The following GPM6A variants were observed in gnomAD, a reference collection of about 807,000 sequenced individuals.
GPM6A encodes neuronal membrane glycoprotein M6-a.
Under a neutral mutation model 32.1 loss-of-function variants are expected in GPM6A, and 7 were observed. The observed-to-expected ratio is 0.22, with a 90% CI of 0.12 to 0.41. GPM6A has a LOEUF of 0.41. Among genes scored for constraint, GPM6A ranks in the 10% least tolerant of loss-of-function variants. The pLI is 1.00. For missense variants in GPM6A, 235 were observed against 347.2 expected (o/e 0.68, Z 2.57); for synonymous variants, 130 against 123.4 (o/e 1.05, Z -0.35).
At chr4:175,811,911 T>C in intron 1 of GPM6A, 1 of 272,796 alleles carries the variant, frequency 3.7e-6, no homozygotes, top group Non-Finnish European at 6.8e-6. Context: ...AAATGAAGGT[T>C]AACAAAGACT....
In GPM6A at chr4:175,701,676, G is replaced by A; in HGVS notation, c.129C>T (p.Phe43=). 6.2e-7 allele frequency: 1 copy of A among 1,613,970 alleles called. No individual in the cohort carries two copies. Among genetic ancestry groups the A allele is most frequent in the African/African-American group, 1.3e-5 (1 of 75,030 alleles). The change falls in exon 2 of 7, where the codon TTC becomes TTT. Residue 43 remains phenylalanine, a synonymous_variant. Coordinates refer to ENST00000393658, the MANE Select transcript of GPM6A (RefSeq NM_201591.3). ...TILLYAGVAL[F]CGCGHEALSG... The stretch of plus-strand genomic sequence containing the variant: ...AAAGCGCTTCATGACCGCAGCCACA[G>A]AACAGGGCAACACCCGCATAGAGCA...
At chr4:175,701,500 A>T (rs1744877796) in intron 2 of GPM6A, 75 bp downstream of exon 2, 1 of 995,794 alleles carries the variant, frequency 1.0e-6, no homozygotes, top group African/African-American at 1.6e-5. Context: ...ATCTAACTGT[A>T]GGCCCCTAAT....
At chr4:175,652,377 A>C (rs1301923342) in intron 3 of GPM6A, among the ~76,000 whole-genome samples, 1 of 152,120 alleles carries the variant, frequency 6.6e-6, no homozygotes, top group Admixed American at 6.6e-5. Flanking sequence ...CTGTCAATAA[A>C]TTTCCATAGG....
chr4:175,934,414 GA>G (rs1249099957), intron 1 of GPM6A, among the ~76,000 whole-genome samples: 2 of 152,072 alleles, frequency 1.3e-5, no homozygotes. Context: ...GGTTAAAAAC[GA>G]AATCATTTAC....
intron 1 of GPM6A, among the ~76,000 whole-genome samples, chr4:175,870,338 G>C (rs186428867): frequency 9.9e-5 from 15 of 152,058 alleles, no homozygotes; most frequent in African/African-American, 3.6e-4. Flanking sequence ...CCCTGTGTAA[G>C]TAAGCTATCC....
chr4:175,885,733 T>C (rs181686460), intron 1 of GPM6A, among the ~76,000 whole-genome samples: 2 of 152,230 alleles, frequency 1.3e-5, no homozygotes, highest in Admixed American at 6.5e-5. Context: ...ACCATGTTCA[T>C]TGTAGCAGTT....
chr4:175,850,102 A>G (rs1183693880), intron 1 of GPM6A, among the ~76,000 whole-genome samples: 1 of 152,214 alleles, frequency 6.6e-6, no homozygotes, highest in Non-Finnish European at 1.5e-5. Context: ...AGATGTGAAG[A>G]GACATGGAAG....
At chr4:175,930,049 T>A (rs1579636908) in intron 1 of GPM6A, among the ~76,000 whole-genome samples, 1 of 152,148 alleles carries the variant, frequency 6.6e-6, no homozygotes, top group African/African-American at 2.4e-5. Context: ...TAATCTTAAC[T>A]TTCTTTTCTC....
At chr4:175,947,137 T>C (rs898530812) in intron 1 of GPM6A, among the ~76,000 whole-genome samples, 3 of 152,084 alleles carry the variant, frequency 2.0e-5, no homozygotes, top group African/African-American at 7.2e-5. Flanking sequence ...TTTCTAATTT[T>C]CAGAAACTGA....
chr4:175,881,961 C>T (rs1737293167), intron 1 of GPM6A, among the ~76,000 whole-genome samples: 1 of 151,642 alleles, frequency 6.6e-6, no homozygotes, highest in South Asian at 2.1e-4. Flanking sequence ...GCAGGTTGTG[C>T]ACATGTACCC....
chr4:175,671,065 T>C (rs1220117594), intron 3 of GPM6A, among the ~76,000 whole-genome samples: 1 of 151,996 alleles, frequency 6.6e-6, no homozygotes, highest in African/African-American at 2.4e-5. Context: ...GGTTTCACTA[T>C]GTTGACCATG....
chr4:175,882,450 A>T (rs1319325441), intron 1 of GPM6A, among the ~76,000 whole-genome samples: 1 of 151,998 alleles, frequency 6.6e-6, no homozygotes, highest in East Asian at 1.9e-4. Context: ...AAAAATGGAA[A>T]TCATCTTTTT....
At chr4:175,637,312 AATATAAAAT>A (rs1740753402) in intron 6 of GPM6A, among the ~76,000 whole-genome samples, 1 of 22,568 alleles carries the variant, frequency 4.4e-5, no homozygotes, top group East Asian at 2.9e-3. Flanking sequence ...TATTATATAT[AATATAAAAT>A]ATATATTATA....
intron 1 of GPM6A, among the ~76,000 whole-genome samples, chr4:175,761,139 T>G (rs1237704371): frequency 6.6e-6 from 1 of 152,170 alleles, no homozygotes; most frequent in East Asian, 1.9e-4. Flanking sequence ...GAGTACTTGC[T>G]TTAGCGCAAA....
chr4:175,785,270 C>T (rs886732300), intron 1 of GPM6A, among the ~76,000 whole-genome samples: 18 of 152,174 alleles, frequency 1.2e-4, no homozygotes, highest in African/African-American at 3.9e-4. Flanking sequence ...AGCTCACAGC[C>T]ATCACCCAGC....
chr4:175,974,460 A>G (rs981521032), intron 1 of GPM6A, among the ~76,000 whole-genome samples: 1 of 152,224 alleles, frequency 6.6e-6, no homozygotes, highest in East Asian at 1.9e-4. Context: ...GGTTCAAGCG[A>G]TTCTCCAGCC....
chr4:175,775,905 G>A (rs765473897), intron 1 of GPM6A, among the ~76,000 whole-genome samples: 7 of 152,016 alleles, frequency 4.6e-5, no homozygotes, highest in Non-Finnish European at 8.8e-5. Flanking sequence ...AGCACAAAAG[G>A]GGAGGTTATA....
At chr4:175,703,310 T>C (rs2111069607) in intron 1 of GPM6A, among the ~76,000 whole-genome samples, 1 of 152,248 alleles carries the variant, frequency 6.6e-6, no homozygotes, top group Non-Finnish European at 1.5e-5. Context: ...TAGCTGGGAC[T>C]ACTGGCGCAC....
At chr4:175,712,815 A>G (rs1048357908) in intron 1 of GPM6A, among the ~76,000 whole-genome samples, 32 of 152,218 alleles carry the variant, frequency 2.1e-4, no homozygotes, top group African/African-American at 7.2e-4. Flanking sequence ...TACAGAAGTG[A>G]TCAAAAAATA....
Sources: gnomAD v4.1 joint callset for allele counts (sites outside exome capture counted in the v4.1 genomes callset) on GRCh38, gnomAD v4.1.1 for gene constraint, MANE v1.5 for transcripts, NCBI Gene and HGNC (gene_info 2026-07-23, HGNC 2026-07-21) for gene names.